Variants in DNAH6 observed in about 807,000 individuals in gnomAD.
DNAH6 encodes the protein axonemal beta dynein heavy chain 6.
In DNAH6, 340 loss-of-function variants were observed where a neutral mutation model predicts 491.4. That is an observed-to-expected ratio of 0.69 (90% CI 0.63 to 0.76). The LOEUF (loss-of-function observed/expected upper bound fraction) is 0.76. DNAH6 is among the 30% of genes least tolerant of loss of function. The pLI is 0.00. For missense variants in DNAH6, 4,443 were observed against 4,972.2 expected (o/e 0.89, Z 3.20); for synonymous variants, 1,603 against 1,686.1 (o/e 0.95, Z 1.21).
chr2:84,466,902 T>C, the DNAH6 span, among the ~76,000 whole-genome samples: 1 of 152,260 alleles, frequency 6.6e-6, no homozygotes, highest in African/African-American at 2.4e-5. Context: ...TAATCATTAC[T>C]GATAATGTAC....
At chr2:84,597,634 T>C (rs1684729490) in intron 18 of DNAH6, among the ~76,000 whole-genome samples, 1 of 152,186 alleles carries the variant, frequency 6.6e-6, no homozygotes, top group Non-Finnish European at 1.5e-5. Flanking sequence ...ATTGAAAACG[T>C]GTGTTCACGC....
intron 42 of DNAH6, among the ~76,000 whole-genome samples, chr2:84,683,454 C>G (rs1382227533): frequency 6.3e-5 from 7 of 111,182 alleles, no homozygotes; most frequent in Non-Finnish European, 8.6e-5. Context: ...TAGAGTTTCA[C>G]TCTTGTTGCC....
In DNAH6 at chr2:84,525,649, A is replaced by G. The variant is rs753822427; in HGVS notation, c.310A>G (p.Ile104Val). 3 of 1,550,790 alleles carry G rather than the reference A, an allele frequency of 1.9e-6. No homozygotes were observed. Among genetic ancestry groups the G allele is most frequent in the Admixed American group, 3.9e-5 (2 of 50,934 alleles). The change falls in exon 3 of 77, where the codon ATT becomes GTT. Residue 104 changes from isoleucine to valine, a missense_variant. Transcript: ENST00000389394. ...ATTTCAGTTAATGACTGCAGGAATC[A>G]TTAAACGTCCAGTAAGCATAGCAAA... The part of the protein sequence containing the change: ...NRFQLMTAGI[I>V]KRPVSIAKKS...
At chr2:84,728,707 G>C (rs1377336177) in intron 61 of DNAH6, among the ~76,000 whole-genome samples, 1 of 152,114 alleles carries the variant, frequency 6.6e-6, no homozygotes, top group African/African-American at 2.4e-5. Context: ...AAAATGACTT[G>C]ATTGTCGCCT....
At chr2:84,512,125 T>C (rs751929407), upstream of DNAH6, among the ~76,000 whole-genome samples, 7 of 152,238 alleles carry the variant, frequency 4.6e-5, no homozygotes, top group Non-Finnish European at 7.3e-5. Context: ...TGTTTTATAG[T>C]GTTTCTCAAT....
At chr2:84,480,232 G>A in the DNAH6 span, among the ~76,000 whole-genome samples, 17 of 152,040 alleles carry the variant, frequency 1.1e-4, no homozygotes, top group Non-Finnish European at 1.8e-4. Flanking sequence ...AGGTTACTCC[G>A]TTACTTTTAT....
intron 4 of DNAH6, among the ~76,000 whole-genome samples, chr2:84,533,033 G>A (rs60797956): frequency 0.024 from 3,590 of 152,052 alleles, 55 homozygotes; most frequent in Middle Eastern, 0.092. Context: ...TTTTCCAATT[G>A]TCACTAAAAA....
chr2:84,593,642 A>G (rs1684312078), intron 16 of DNAH6, among the ~76,000 whole-genome samples: 1 of 152,180 alleles, frequency 6.6e-6, no homozygotes, highest in Non-Finnish European at 1.5e-5. Flanking sequence ...TGCTTTCCCT[A>G]GAAGACCTAA....
chr2:84,656,704 T>A (rs1370883586), intron 35 of DNAH6, among the ~76,000 whole-genome samples: 1 of 152,124 alleles, frequency 6.6e-6, no homozygotes, highest in East Asian at 1.9e-4. Context: ...TCAGATTATA[T>A]CTTTTGCAAA....
chr2:84,467,519 T>G, the DNAH6 span, among the ~76,000 whole-genome samples: 1 of 152,224 alleles, frequency 6.6e-6, no homozygotes, highest in African/African-American at 2.4e-5. Flanking sequence ...TAACTCCACA[T>G]GTCCCAAGGC....
In DNAH6 at chr2:84,654,692, A is replaced by C. The variant is rs1281841486; in HGVS notation, c.5667A>C (p.Thr1889=). 1.3e-6 allele frequency: 2 copies of C among 1,551,172 alleles called. No individual in the cohort carries two copies. Among genetic ancestry groups the C allele is most frequent in the Non-Finnish European group, 1.7e-6 (2 of 1,146,436 alleles). ...VQDLRVASPA[T]VSRCGMVFVD... is the part of the protein sequence containing the mutation. ...ATCTGCGGGTTGCCTCCCCTGCAAC[A>C]GTCAGTCGATGTGGAATGGTGTTTG... Residue 1889 remains threonine (T), a synonymous_variant, in exon 35 of 77, where the codon ACA becomes ACC. Coordinates refer to ENST00000389394, the MANE Select transcript of DNAH6 (RefSeq NM_001370.2).
At chr2:84,605,210 A>T (rs1423795355) in intron 19 of DNAH6, among the ~76,000 whole-genome samples, 1 of 151,768 alleles carries the variant, frequency 6.6e-6, no homozygotes, top group Non-Finnish European at 1.5e-5. Context: ...AAAATTAGCC[A>T]GGCGTGGTGG....
chr2:84,805,664 G>A lies in DNAH6; in HGVS notation c.11482-1G>A, dbSNP rs1166550906. The A allele has an allele frequency of 6.5e-7, 1 of 1,550,074 alleles. No homozygotes were observed. Among genetic ancestry groups the A allele is most frequent in the South Asian group, 1.2e-5 (1 of 83,570 alleles). ...TGTTCTGTCTCTTATTGCCATTACA[G>A]TACAAAGAGACCAGCACTTTAATCA... On this transcript the variant is annotated splice_acceptor_variant, in intron 70 of 76. Coordinates refer to ENST00000389394, the MANE Select transcript of DNAH6 (RefSeq NM_001370.2). LOFTEE classifies it high-confidence loss of function.
intron 4 of DNAH6, among the ~76,000 whole-genome samples, chr2:84,535,789 C>T (rs891260463): frequency 6.6e-6 from 1 of 151,564 alleles, no homozygotes; most frequent in African/African-American, 2.4e-5. Context: ...TATTTAATTG[C>T]ATATTGATGA....
At chr2:84,497,015 T>C in the DNAH6 span, among the ~76,000 whole-genome samples, 2 of 151,192 alleles carry the variant, frequency 1.3e-5, no homozygotes, top group Non-Finnish European at 1.5e-5. Context: ...CTGTCACCCA[T>C]GCTGGAGTGC....
At position 84,634,586 on chromosome 2, in the gene DNAH6, T is replaced by C; in HGVS notation, c.4598T>C (p.Val1533Ala). The C allele has an allele frequency of 6.4e-7, 1 of 1,550,562 alleles. No homozygotes were observed. Among genetic ancestry groups the C allele is most frequent in the Non-Finnish European group, 8.7e-7 (1 of 1,146,492 alleles). Residue 1533 changes from valine to alanine, a missense_variant, in exon 30 of 77, where the codon GTT becomes GCT. Transcript: ENST00000389394. ...FDEFNRIDIE[V>A]LSVIAQQLIT... Reference sequence around the variant, plus strand: ...GAATTTAATCGAATTGACATAGAAGTTCTGTCCGTCATCGCGCAGCAACTC... The same window carrying C: ...GAATTTAATCGAATTGACATAGAAGCTCTGTCCGTCATCGCGCAGCAACTC...
chr2:84,616,474 A>G (rs1398116393), intron 22 of DNAH6, among the ~76,000 whole-genome samples: 1 of 151,990 alleles, frequency 6.6e-6, no homozygotes. Flanking sequence ...TGTTGTTGCT[A>G]TAAAATTTGT....
rs74323810 is a variant in DNAH6 at position 84,736,427 on chromosome 2, C to A, written c.10342+2848C>A. Among the ~76,000 whole-genome samples, 3 of 152,222 alleles carry A rather than the reference C, an allele frequency of 2.0e-5. No homozygotes were observed. The East Asian group carries it at 5.8e-4, about 29-fold the overall frequency. ...GGAATAGCATTAAATCTGTAGATTG[C>A]TTCGGATAGCATAGTCATTTTAATG... is the stretch of plus-strand genomic sequence containing the variant. On this transcript the variant is annotated intron_variant, in intron 62 of 76. Transcript: ENST00000389394.
Position 84,819,429 on chromosome 2 carries a change from G to C in DNAH6, c.*21G>C. ...AATGAAAAGGTGCCACCTCAGCCCT[G>C]AAAAAGAACCAGGCCAGAGATCTTT... On this transcript the variant is annotated 3_prime_UTR_variant, in exon 77 of 77. Coordinates refer to ENST00000389394, the MANE Select transcript of DNAH6 (RefSeq NM_001370.2). 6.7e-7 allele frequency: 1 copy of C among 1,500,180 alleles called. No individual in the cohort carries two copies. The highest frequency in any genetic ancestry group is 9.0e-7 in the Non-Finnish European group (1 of 1,105,352). 92.9% of individuals were successfully genotyped at this position (1,500,180 alleles called of 1,614,324 possible). A position where few individuals can be genotyped will look rare whatever the true frequency, so the allele number is the denominator to read the frequency against.
Sources: allele counts gnomAD v4.1 joint callset (sites outside exome capture counted in the v4.1 genomes callset), GRCh38; gene constraint gnomAD v4.1.1; transcripts MANE v1.5; gene names NCBI Gene and HGNC (gene_info 2026-07-23, HGNC 2026-07-21).